Variants in SCN10A observed in about 807,000 individuals in gnomAD.
SCN10A encodes sodium voltage-gated channel alpha subunit 10.
SCN10A carries 162 observed loss-of-function variants against 170.7 expected under a neutral mutation model. That is an observed-to-expected ratio of 0.95 (90% CI 0.84 to 1.08). The LOEUF (loss-of-function observed/expected upper bound fraction) is 1.08. SCN10A is among the 50% of genes least tolerant of loss of function. The pLI is 0.00. For missense variants in SCN10A, 2,527 were observed against 2,436.9 expected, an observed-to-expected ratio of 1.04 and a Z score of -0.78; for synonymous variants, 985 against 904.6, an observed-to-expected ratio of 1.09 and a Z score of -1.59.
rs185593694 is a variant in SCN10A at position 38,722,063 on chromosome 3, G to A, written c.3507+195C>T. On this transcript the variant is annotated intron_variant, in intron 20 of 27. Coordinates refer to ENST00000449082, the MANE Select transcript of SCN10A (RefSeq NM_006514.4). Reference sequence around the variant, plus strand: ...AGCCAGGTTTGGCAGGCCATGGCACGGGCACCTTGAACACCTCCCATGCTC... The same window carrying A: ...AGCCAGGTTTGGCAGGCCATGGCACAGGCACCTTGAACACCTCCCATGCTC... 1.1e-3 allele frequency among the ~76,000 whole-genome samples: 169 copies of A among 152,272 alleles called. 2 individuals are homozygous for A. Among genetic ancestry groups the A allele is most frequent in the East Asian group, 7.0e-3 (36 of 5,164 alleles).
chr3:38,713,330 A>C (rs1306338126), intron 22 of SCN10A, among the ~76,000 whole-genome samples: 1 of 151,948 alleles, frequency 6.6e-6, no homozygotes, highest in Admixed American at 6.6e-5. Context: ...TAGAGGAAAG[A>C]CTCATTTGTC....
chr3:38,776,135 A>T (rs1199465666), intron 4 of SCN10A, among the ~76,000 whole-genome samples: 2 of 152,092 alleles, frequency 1.3e-5, no homozygotes, highest in East Asian at 1.9e-4. Flanking sequence ...GGACAAAAGG[A>T]TCATTGGTCC....
chr3:38,722,608 A>G (rs900397383), intron 19 of SCN10A, among the ~76,000 whole-genome samples, 196 bp from the exon 20 acceptor site: 4 of 152,174 alleles, frequency 2.6e-5, no homozygotes, highest in African/African-American at 9.7e-5. Flanking sequence ...GTTCCTCTCC[A>G]TCATCAGTCT....
intron 13 of SCN10A, among the ~76,000 whole-genome samples, chr3:38,745,697 C>T (rs2063678836): frequency 6.6e-6 from 1 of 152,100 alleles, no homozygotes; most frequent in South Asian, 2.1e-4. Flanking sequence ...GCTTAGATCA[C>T]CAAAGACATC....
Position 38,728,612 on chromosome 3 carries a change from C to G in SCN10A, c.2570G>C (p.Cys857Ser). Reference sequence around the variant, plus strand: ...TATGGATTTTTGGCCAACTTCCATGCAGGCCCACATGTTCTCAATCCACTC... The same window carrying G: ...TATGGATTTTTGGCCAACTTCCATGGAGGCCCACATGTTCTCAATCCACTC... ...CGEWIENMWA[C>S]MEVGQKSICL... Residue 857 changes from cysteine to serine, a missense_variant, in exon 16 of 28, where the codon TGC (cysteine) becomes TCC (serine). Physicochemically the swap from Cys to Ser is moderately radical, Grantham distance 112. Coordinates refer to ENST00000449082, the MANE Select transcript of SCN10A (RefSeq NM_006514.4). 1 of 1,612,570 alleles carries G rather than the reference C, an allele frequency of 6.2e-7. No homozygotes were observed. The highest frequency in any genetic ancestry group is 8.5e-7 in the Non-Finnish European group (1 of 1,178,710).
chr3:38,769,979 A>G (rs2063980456), intron 5 of SCN10A, among the ~76,000 whole-genome samples: 1 of 152,136 alleles, frequency 6.6e-6, no homozygotes, highest in South Asian at 2.1e-4. Flanking sequence ...AATGAAGTAG[A>G]GTCTGTGAGA....
chr3:38,768,342 T>C (rs1432457877), intron 5 of SCN10A, among the ~76,000 whole-genome samples: 1 of 152,158 alleles, frequency 6.6e-6, no homozygotes, highest in East Asian at 1.9e-4. Flanking sequence ...TCCTTTGATA[T>C]TTATGCTTTA....
intron 27 of SCN10A, 35 bp downstream of exon 27, chr3:38,701,804 G>T: frequency 6.4e-7 from 1 of 1,567,612 alleles, no homozygotes; most frequent in Non-Finnish European, 8.7e-7. Flanking sequence ...CCCAAACAGA[G>T]GTGGGGCTTC....
intron 21 of SCN10A, among the ~76,000 whole-genome samples, chr3:38,717,442 G>A (rs2063344593): frequency 6.6e-6 from 1 of 152,230 alleles, no homozygotes; most frequent in Admixed American, 6.5e-5. Context: ...AAAGGGGTGG[G>A]ACACCGGAAT....
chr3:38,775,781 TTCTAA>T (rs1157603614), intron 4 of SCN10A, among the ~76,000 whole-genome samples: 10 of 152,198 alleles, frequency 6.6e-5, no homozygotes, highest in African/African-American at 2.4e-4. Context: ...AATGCAATAC[TTCTAA>T]TTAAGGAATT....
At chr3:38,714,109 C>T in intron 21 of SCN10A, 29 bp from the exon 22 acceptor site, 2 of 1,609,142 alleles carry the variant, frequency 1.2e-6, no homozygotes, top group Non-Finnish European at 1.7e-6. Context: ...AGAAACATCA[C>T]TCTAGGTTTC....
intron 4 of SCN10A, among the ~76,000 whole-genome samples, chr3:38,772,118 A>C (rs2064007818): frequency 6.6e-6 from 1 of 152,174 alleles, no homozygotes; most frequent in Non-Finnish European, 1.5e-5. Flanking sequence ...TTGCATACTG[A>C]AAAATGCATA....
chr3:38,746,158 A>G (rs2063688407), intron 13 of SCN10A, among the ~76,000 whole-genome samples: 1 of 145,296 alleles, frequency 6.9e-6, no homozygotes, highest in Non-Finnish European at 1.5e-5. Context: ...TTCCTACTGG[A>G]CACCCCTACC....
At chr3:38,718,563 G>T in intron 21 of SCN10A, 90 bp downstream of exon 21, 2 of 1,377,608 alleles carry the variant, frequency 1.5e-6, no homozygotes, top group Non-Finnish European at 2.0e-6. Flanking sequence ...GCCCTTGAGG[G>T]CCAGGTCTCT....
rs546568309 is a variant in SCN10A, at chr3:38,697,269, T to C, written c.*80A>G. 397 of 1,554,998 alleles carry C rather than the reference T, an allele frequency of 2.6e-4. No individual in the cohort carries two copies. In the Admixed American group the frequency reaches 2.9e-3, roughly 11 times the overall value. ...ATGCATTGGTGAGGCTGTAGCTGGG[T>C]GTGATCTGCAATGGGAAAGAGTTAA... On this transcript the variant is annotated 3_prime_UTR_variant, in exon 28 of 28. Coordinates refer to ENST00000449082, the MANE Select transcript of SCN10A (RefSeq NM_006514.4).
Position 38,697,156 on chromosome 3 carries a change from C to T in SCN10A, c.*193G>A. ...GAAATCACAGTGGAAGTGCTCTTAG[C>T]TTCTGACTCCTATTTGTGTATGATG... On this transcript the variant is annotated 3_prime_UTR_variant, in exon 28 of 28. Transcript: ENST00000449082. The T allele has an allele frequency of 1.3e-6, 1 of 768,712 alleles. No individual in the cohort carries two copies. Among genetic ancestry groups the T allele is most frequent in the Non-Finnish European group, 2.0e-6 (1 of 497,734 alleles). The allele number at this position is 768,712 out of a possible 1,614,324, so 47.6% of individuals were successfully genotyped here.
chr3:38,734,045 G>A (rs532653015), intron 15 of SCN10A, among the ~76,000 whole-genome samples: 5 of 151,934 alleles, frequency 3.3e-5, no homozygotes, highest in South Asian at 2.1e-4. Flanking sequence ...TCAATGAGAC[G>A]GAGTCTCGCT....
intron 18 of SCN10A, among the ~76,000 whole-genome samples, 165 bp downstream of exon 18, chr3:38,725,009 C>A (rs192488609): frequency 6.6e-6 from 1 of 152,098 alleles, no homozygotes; most frequent in Non-Finnish European, 1.5e-5. Context: ...GCGGATTAGC[C>A]GGAGGTTGGG....
At chr3:38,760,014 T>A (rs1452077952) in intron 8 of SCN10A, among the ~76,000 whole-genome samples, 1 of 152,240 alleles carries the variant, frequency 6.6e-6, no homozygotes, top group African/African-American at 2.4e-5. Context: ...AAATAAGTAT[T>A]GGTTCCTTCC....
Sources: allele counts gnomAD v4.1 joint callset (sites outside exome capture counted in the v4.1 genomes callset), GRCh38; gene constraint gnomAD v4.1.1; transcripts MANE v1.5; gene names NCBI Gene and HGNC (gene_info 2026-07-23, HGNC 2026-07-21).